The following FAM13A variants were observed in gnomAD, a reference collection of about 807,000 sequenced individuals.
The protein encoded by FAM13A is protein FAM13A.
A neutral mutation model predicts 129.6 loss-of-function variants in FAM13A; 76 were observed. The observed-to-expected ratio is 0.59, with a 90% CI of 0.49 to 0.71. The LOEUF (loss-of-function observed/expected upper bound fraction) is 0.71, where lower values mean the gene tolerates loss of function less well. Ranked by LOEUF, FAM13A falls within the 30% of genes least tolerant of loss-of-function variation. The pLI, the probability that FAM13A is intolerant of heterozygous loss-of-function variation, is 0.00. For synonymous variants in FAM13A, 443 were observed against 449.9 expected (o/e 0.98, Z 0.20); for missense variants, 1,108 against 1,249.3 (o/e 0.89, Z 1.70).
At chr4:88,916,099 A>C (rs1750076193) in intron 5 of FAM13A, among the ~76,000 whole-genome samples, 1 of 152,182 alleles carries the variant, frequency 6.6e-6, no homozygotes, top group African/African-American at 2.4e-5. Context: ...CCCCCTAACT[A>C]TGTGATGCCC....
At chr4:88,888,770 TA>T (rs35786527) in intron 6 of FAM13A, among the ~76,000 whole-genome samples, 446 of 133,692 alleles carry the variant, frequency 3.3e-3, no homozygotes, top group Middle Eastern at 3.7e-3. Context: ...CTAAAAATAC[TA>T]AAAAAAAAAA....
intron 6 of FAM13A, among the ~76,000 whole-genome samples, chr4:88,892,449 G>A (rs1745517003): frequency 6.6e-6 from 1 of 152,106 alleles, no homozygotes; most frequent in Non-Finnish European, 1.5e-5. Context: ...AAAGTGCTGG[G>A]ATTACAGGCG....
At chr4:88,838,239 C>T (rs1735167616) in intron 7 of FAM13A, among the ~76,000 whole-genome samples, 1 of 152,104 alleles carries the variant, frequency 6.6e-6, no homozygotes, top group Non-Finnish European at 1.5e-5. Context: ...GGGCTTGAAA[C>T]AAAAGTTTTG....
At chr4:88,760,053 G>C (rs982113876) in intron 13 of FAM13A, among the ~76,000 whole-genome samples, 2 of 152,154 alleles carry the variant, frequency 1.3e-5, no homozygotes, top group Admixed American at 1.3e-4. Context: ...ATCATTAAAT[G>C]AAAAAACTAA....
intron 4 of FAM13A, among the ~76,000 whole-genome samples, chr4:88,956,279 T>C (rs1208455581): frequency 6.6e-6 from 1 of 152,240 alleles, no homozygotes; most frequent in Non-Finnish European, 1.5e-5. Flanking sequence ...AGTTTAGATA[T>C]GTTCAGATAA....
At chr4:88,742,186 A>C (rs1340502179) in intron 19 of FAM13A, among the ~76,000 whole-genome samples, 1 of 152,218 alleles carries the variant, frequency 6.6e-6, no homozygotes, top group Non-Finnish European at 1.5e-5. Flanking sequence ...TTTGGACTGC[A>C]ACAGAAGACC....
At chr4:88,954,244 C>T (rs1008558805) in intron 4 of FAM13A, among the ~76,000 whole-genome samples, 22 of 152,148 alleles carry the variant, frequency 1.4e-4, no homozygotes, top group African/African-American at 5.1e-4. Flanking sequence ...AAGCTTAATA[C>T]TTATTAACAA....
intron 10 of FAM13A, among the ~76,000 whole-genome samples, chr4:88,781,846 G>C (rs899750935): frequency 6.7e-6 from 1 of 149,954 alleles, no homozygotes; most frequent in Admixed American, 6.7e-5. Flanking sequence ...GTTGTGGGGT[G>C]GGGGGAGCGG....
In FAM13A at chr4:88,788,890, C is replaced by T. The variant is rs1017454957; in HGVS notation, c.1092-958G>A. Among the ~76,000 whole-genome samples the T allele has an allele frequency of 7.2e-5, 11 of 152,144 alleles. No homozygotes were observed. The South Asian group carries it at 1.5e-3, about 20-fold the overall frequency. On this transcript the variant is annotated intron_variant, in intron 9 of 23. Coordinates refer to ENST00000264344, the MANE Select transcript of FAM13A (RefSeq NM_014883.4). ...GATTTTTCAAATGCAGTTTTATAATCGACTCATAGTTATTCAAATTTTATT... is the reference window on the plus strand; with the variant it reads ...GATTTTTCAAATGCAGTTTTATAATTGACTCATAGTTATTCAAATTTTATT...
At chr4:88,876,813 G>A (rs1221356269) in intron 6 of FAM13A, among the ~76,000 whole-genome samples, 1 of 152,048 alleles carries the variant, frequency 6.6e-6, no homozygotes, top group African/African-American at 2.4e-5. Flanking sequence ...GGATGGTCTC[G>A]ATTTCCTGAC....
intron 6 of FAM13A, among the ~76,000 whole-genome samples, chr4:88,881,932 GA>G (rs1443571949): frequency 1.3e-5 from 2 of 151,398 alleles, no homozygotes; most frequent in African/African-American, 2.4e-5. Flanking sequence ...CAGAGACAAA[GA>G]AAAAAGAATT....
At chr4:88,851,918 C>G (rs551104268) in intron 6 of FAM13A, among the ~76,000 whole-genome samples, 1 of 152,238 alleles carries the variant, frequency 6.6e-6, no homozygotes, top group South Asian at 2.1e-4. Flanking sequence ...AATCAATATT[C>G]TTTTCCTTTA....
chr4:88,800,241 T>C (rs1336777464), intron 8 of FAM13A, among the ~76,000 whole-genome samples: 2 of 152,220 alleles, frequency 1.3e-5, no homozygotes, highest in African/African-American at 4.8e-5. Context: ...ATGACAGTTG[T>C]ATAACAATGA....
At chr4:89,001,391 A>G (rs1363850538) in intron 3 of FAM13A, among the ~76,000 whole-genome samples, 1 of 152,216 alleles carries the variant, frequency 6.6e-6, no homozygotes, top group Admixed American at 6.5e-5. Context: ...TTAAGTCTTT[A>G]CTTAGAAAAA....
At chr4:89,024,885 G>A (rs568856620) in intron 2 of FAM13A, among the ~76,000 whole-genome samples, 13 of 152,076 alleles carry the variant, frequency 8.5e-5, no homozygotes, top group African/African-American at 2.9e-4. Flanking sequence ...AGTAGTATGA[G>A]GTGTGGGCAA....
At chr4:88,843,046 G>T (rs10024506) in intron 7 of FAM13A, among the ~76,000 whole-genome samples, 2 of 152,018 alleles carry the variant, frequency 1.3e-5, no homozygotes, top group East Asian at 1.9e-4. Context: ...TAAGGCCTTG[G>T]GATATTTTTT....
At chr4:88,847,000 A>T (rs974702103) in intron 7 of FAM13A, among the ~76,000 whole-genome samples, 1 of 152,216 alleles carries the variant, frequency 6.6e-6, no homozygotes, top group African/African-American at 2.4e-5. Context: ...AAGATATATA[A>T]AGGATTTAAA....
chr4:88,997,525 T>C (rs1469113761), intron 3 of FAM13A, among the ~76,000 whole-genome samples: 1 of 151,722 alleles, frequency 6.6e-6, no homozygotes, highest in South Asian at 2.1e-4. Context: ...GCAGCAAGCA[T>C]TGAACCATGT....
At chr4:88,990,845 A>C in intron 4 of FAM13A, 128 bp downstream of exon 4, 1 of 684,960 alleles carries the variant, frequency 1.5e-6, no homozygotes, top group Admixed American at 2.7e-5. Flanking sequence ...AGAACAAGAT[A>C]CAACTTCTCC....
Sources: gnomAD v4.1 joint callset for allele counts (sites outside exome capture counted in the v4.1 genomes callset) on GRCh38, gnomAD v4.1.1 for gene constraint, MANE v1.5 for transcripts, NCBI Gene and HGNC (gene_info 2026-07-23, HGNC 2026-07-21) for gene names.